FBRSL1: variants seen among roughly 807,000 people sequenced by gnomAD.
The protein encoded by FBRSL1 is fibrosin-1-like protein.
A neutral mutation model predicts 89.6 loss-of-function variants in FBRSL1; 51 were observed. That is an observed-to-expected ratio of 0.57 (90% CI 0.45 to 0.72). The LOEUF (loss-of-function observed/expected upper bound fraction) is 0.72, where lower values mean the gene tolerates loss of function less well. Among genes scored for constraint, FBRSL1 ranks in the 30% least tolerant of loss-of-function variants. The pLI, the probability that FBRSL1 is intolerant of heterozygous loss-of-function variation, is 0.00. For missense variants in FBRSL1, 1,618 were observed against 1,451.8 expected, an observed-to-expected ratio of 1.11 and a Z score of -1.86; for synonymous variants, 779 against 681.1, an observed-to-expected ratio of 1.14 and a Z score of -2.24.
intron 5 of FBRSL1, among the ~76,000 whole-genome samples, chr12:132,561,915 G>A (rs1382232707): frequency 6.6e-6 from 1 of 152,194 alleles, no homozygotes; most frequent in Non-Finnish European, 1.5e-5. Context: ...CCCAGATTTG[G>A]GAGCCTGGCC....
Position 132,490,878 on chromosome 12 carries a change from G to T in FBRSL1, c.291+17G>T. On this transcript the variant is annotated intron_variant, in intron 1 of 18. Transcript: ENST00000680143. ...GCCCTGGAGGTAGGTGGACGGGTGC[G>T]GCTTCGCAGGCGTTGAGGCGAGAAC... is the stretch of plus-strand genomic sequence containing the variant. 7 of 1,235,030 alleles carry T rather than the reference G, an allele frequency of 5.7e-6. No individual in the cohort carries two copies. The highest frequency in any genetic ancestry group is 6.4e-6 in the Non-Finnish European group (6 of 939,758). The allele number at this position is 1,235,030 out of a possible 1,614,324, so 76.5% of individuals were successfully genotyped here.
chr12:132,571,131 T>C lies in FBRSL1; in HGVS notation c.1277T>C (p.Leu426Pro). ...TATTGCCAGCCTCATTCGGGAATTC[T>C]GATTGGTACTTGGTCACAGGCTCCT... is the stretch of plus-strand genomic sequence containing the variant. ...IMYCQPHSGI[L>P]IGTWSQAPLL... The change falls in exon 9 of 19, where the codon CTG becomes CCG. Residue 426 changes from leucine (L) to proline (P), a missense_variant. By Grantham distance (98) the Leu-to-Pro change is moderately conservative. Transcript: ENST00000680143. 1 of 1,372,854 alleles carries C rather than the reference T, an allele frequency of 7.3e-7. No individual in the cohort carries two copies. The highest frequency in any genetic ancestry group is 9.4e-7 in the Non-Finnish European group (1 of 1,064,332). The allele number at this position is 1,372,854 out of a possible 1,614,324, so 85.0% of individuals were successfully genotyped here. A position where few individuals can be genotyped will look rare whatever the true frequency, so the allele number is the denominator to read the frequency against.
chr12:132,493,044 C>G (rs191973147), intron 1 of FBRSL1, among the ~76,000 whole-genome samples: 1 of 152,376 alleles, frequency 6.6e-6, no homozygotes, highest in Non-Finnish European at 1.5e-5. Flanking sequence ...AAATGACCCA[C>G]GAGGAGGGCT....
chr12:132,531,830 C>T (rs1325895683), intron 4 of FBRSL1, among the ~76,000 whole-genome samples: 1 of 152,228 alleles, frequency 6.6e-6, no homozygotes, highest in Non-Finnish European at 1.5e-5. Context: ...ATCACCTGGT[C>T]TGGTTTTATG....
chr12:132,576,358 A>C (rs751143316), intron 14 of FBRSL1, among the ~76,000 whole-genome samples: 5 of 151,918 alleles, frequency 3.3e-5, no homozygotes, highest in Admixed American at 6.6e-5. Context: ...GCGCCCAGCT[A>C]ATTTTTGTAT....
chr12:132,539,223 G>A (rs185286747), intron 4 of FBRSL1, among the ~76,000 whole-genome samples: 3 of 152,198 alleles, frequency 2.0e-5, no homozygotes, highest in East Asian at 1.9e-4. Context: ...GGGAGCGGGC[G>A]GAGAGTGTCT....
At position 132,490,801 on chromosome 12, in the gene FBRSL1, G is replaced by A; in HGVS notation, c.231G>A (p.Gln77=). The A allele has an allele frequency of 7.4e-7, 1 of 1,347,126 alleles. No homozygotes were observed. Among genetic ancestry groups the A allele is most frequent in the East Asian group, 3.2e-5 (1 of 30,840 alleles). The allele number at this position is 1,347,126 out of a possible 1,614,324, so 83.4% of individuals were successfully genotyped here. Residue 77 remains glutamine, a synonymous_variant, in exon 1 of 19, where the codon CAG becomes CAA. Transcript: ENST00000680143. ...PRRRRRESSS[Q]EEEVIDGFAI... ...GCCGCCGCCGCGAGTCCAGCTCGCA[G>A]GAGGAGGAGGTCATCGACGGCTTCG...
intron 14 of FBRSL1, among the ~76,000 whole-genome samples, chr12:132,575,021 C>T (rs11146943): frequency 0.21 from 32,444 of 151,896 alleles, 4,214 homozygotes; most frequent in Non-Finnish European, 0.29. Flanking sequence ...GCGGGCAGCT[C>T]GGTGCAGGTC....
Position 132,490,975 on chromosome 12 carries a change from C to T in FBRSL1, c.291+114C>T, listed in dbSNP as rs184050468. 58 of 842,638 alleles carry T rather than the reference C, an allele frequency of 6.9e-5. 1 individual carries two copies. In the East Asian group the frequency reaches 3.1e-3, roughly 45 times the overall value. 52.2% of individuals were successfully genotyped at this position (842,638 alleles called of 1,614,324 possible). A position where few individuals can be genotyped will look rare whatever the true frequency, so the allele number is the denominator to read the frequency against. ...GCGACCGCCCGCGCCGTGGGCAGCC[C>T]TGAGGGAAGCCCCGGCCACTTGGTA... On this transcript the variant is annotated intron_variant, in intron 1 of 18. Transcript: ENST00000680143.
At position 132,490,417 on chromosome 12, in the gene FBRSL1, T is replaced by TGCCCG; in HGVS notation, c.-143_-139dup. The TGCCCG allele has an allele frequency of 2.6e-6, 1 of 378,638 alleles. No homozygotes were observed. Among genetic ancestry groups the TGCCCG allele is most frequent in the Middle Eastern group, 1.7e-3 (1 of 594 alleles). 23.5% of individuals were successfully genotyped at this position (378,638 alleles called of 1,614,324 possible). A position where few individuals can be genotyped will look rare whatever the true frequency, so the allele number is the denominator to read the frequency against. On this transcript the variant is annotated 5_prime_UTR_variant, in exon 1 of 19. An upstream open reading frame in the 5' UTR loses its in-frame stop. Transcript: ENST00000680143. ...GCTGAGCCGCCCCCCGCGCCCGGCA[T>TGCCCG]GCCCGGCCCGGCCCGCCGCCCGCCG... is the stretch of plus-strand genomic sequence containing the variant.
chr12:132,533,594 G>A (rs2036481431), intron 4 of FBRSL1, among the ~76,000 whole-genome samples: 1 of 152,260 alleles, frequency 6.6e-6, no homozygotes, highest in African/African-American at 2.4e-5. Flanking sequence ...GGTGGGCACA[G>A]CCCGCACCCA....
intron 4 of FBRSL1, among the ~76,000 whole-genome samples, chr12:132,528,955 A>G (rs2036031885): frequency 6.6e-6 from 1 of 152,080 alleles, no homozygotes; most frequent in Admixed American, 6.5e-5. Context: ...CCGGACCTGG[A>G]GGCCCAGCAC....
At chr12:132,582,771 G>T (rs898409665) in intron 18 of FBRSL1, among the ~76,000 whole-genome samples, 200 bp from the exon 19 acceptor site, 1 of 152,130 alleles carries the variant, frequency 6.6e-6, no homozygotes, top group African/African-American at 2.4e-5. Context: ...TCCGTCTCCC[G>T]GCCAAGGTTT....
intron 9 of FBRSL1, chr12:132,571,930 C>T: frequency 2.6e-6 from 1 of 380,434 alleles, no homozygotes; most frequent in South Asian, 5.4e-5. Context: ...CCTCCACTCT[C>T]TCGAGTTTTA....
rs1315204445 is a variant in FBRSL1 at position 132,570,211 on chromosome 12, A to T, written c.977A>T (p.Gln326Leu). Residue 326 changes from glutamine to leucine, a missense_variant, in exon 7 of 19, where the codon CAG (glutamine) becomes CTG (leucine). Transcript: ENST00000680143. ...CTGGGCGCCTTCGCGGGCCACAGCC[A>T]GGCGGCAGCCAACGGCCTGCACGGC... The part of the protein sequence containing the change: ...ASLGAFAGHS[Q>L]AAANGLHGLS... 1 of 1,503,470 alleles carries T rather than the reference A, an allele frequency of 6.7e-7. No homozygotes were observed. The highest frequency in any genetic ancestry group is 1.5e-5 in the African/African-American group (1 of 68,908). The allele number at this position is 1,503,470 out of a possible 1,614,324, so 93.1% of individuals were successfully genotyped here.
At position 132,564,597 on chromosome 12, in the gene FBRSL1, G is replaced by A. The variant is rs572748016; in HGVS notation, c.646-2884G>A. On this transcript the variant is annotated intron_variant, in intron 5 of 18. Coordinates refer to ENST00000680143, the MANE Select transcript of FBRSL1 (RefSeq NM_001367871.1). ...TGCAAGCTCCGCCTCCCGGGTTCAC[G>A]CCATTCTCCTGCCTCAGCCTCCCGA... Among the ~76,000 whole-genome samples the A allele has an allele frequency of 7.5e-3, 1,007 of 133,762 alleles. 23 individuals carry two copies. The highest frequency in any genetic ancestry group is 0.027 in the African/African-American group (946 of 34,744). 87.8% of individuals were successfully genotyped at this position (133,762 alleles called of 152,430 possible).
chr12:132,509,258 C>A, intron 2 of FBRSL1: 1 of 1,253,960 alleles, frequency 8.0e-7, no homozygotes. Context: ...CCAGCCAGTC[C>A]AGCCAGCCCC....
Position 132,572,582 on chromosome 12 carries a change from C to T in FBRSL1, c.1490C>T (p.Pro497Leu), listed in dbSNP as rs117416619. The stretch of plus-strand genomic sequence containing the variant: ...GGACTGCCCACCCTGCTCCCACACC[C>T]CGGCCCCTTCGGGTCCCTGCAGGGC... ...IPGLPTLLPH[P>L]GPFGSLQGAF... The change falls in exon 11 of 19, where the codon CCC becomes CTC. Residue 497 changes from proline to leucine, a missense_variant. Transcript: ENST00000680143. 0.012 allele frequency: 17,965 copies of T among 1,551,272 alleles called. 219 individuals carry two copies. The highest frequency in any genetic ancestry group is 0.071 in the East Asian group (2,922 of 40,918).
intron 2 of FBRSL1, among the ~76,000 whole-genome samples, chr12:132,516,250 G>A (rs1317179123): frequency 6.6e-6 from 1 of 151,512 alleles, no homozygotes; most frequent in Non-Finnish European, 1.5e-5. Context: ...GAGTGCAGTG[G>A]CACAATGTTG....
Sources: gnomAD v4.1 joint callset for allele counts (sites outside exome capture counted in the v4.1 genomes callset) on GRCh38, gnomAD v4.1.1 for gene constraint, MANE v1.5 for transcripts, NCBI Gene and HGNC (gene_info 2026-07-23, HGNC 2026-07-21) for gene names.